CLVS1: variants seen among roughly 807,000 people sequenced by gnomAD.
The protein encoded by CLVS1 is clavesin 1.
Under a neutral mutation model 33.1 loss-of-function variants are expected in CLVS1, and 10 were observed. The ratio of observed to expected loss-of-function variants is 0.30; its 90% CI spans 0.19 to 0.51. The LOEUF (loss-of-function observed/expected upper bound fraction) is 0.51, where lower values mean the gene tolerates loss of function less well. CLVS1 is among the 20% of genes least tolerant of loss of function. The pLI, the probability that CLVS1 is intolerant of heterozygous loss-of-function variation, is 0.97. For synonymous variants in CLVS1, 163 were observed against 166.1 expected (o/e 0.98, Z 0.14); for missense variants, 343 against 433.4 (o/e 0.79, Z 1.85).
At chr8:61,238,718 T>C (rs993592489) in intron 2 of CLVS1, among the ~76,000 whole-genome samples, 1 of 152,260 alleles carries the variant, frequency 6.6e-6, no homozygotes, top group African/African-American at 2.4e-5. Flanking sequence ...AATATTTTAC[T>C]GTGTGCAATT....
upstream of CLVS1, among the ~76,000 whole-genome samples, chr8:61,286,012 C>A (rs1263965739): frequency 7.3e-6 from 1 of 137,590 alleles, no homozygotes; most frequent in African/African-American, 2.6e-5. Flanking sequence ...TTTCTATGAT[C>A]TAATGTGCAG....
intron 5 of CLVS1, among the ~76,000 whole-genome samples, chr8:61,486,325 A>G (rs143002158): frequency 6.6e-6 from 1 of 152,308 alleles, no homozygotes; most frequent in Non-Finnish European, 1.5e-5. Context: ...TGAAGAATAA[A>G]TGAAGGAATT....
the CLVS1 span, among the ~76,000 whole-genome samples, chr8:61,020,943 T>C: frequency 6.6e-6 from 1 of 152,228 alleles, no homozygotes; most frequent in Non-Finnish European, 1.5e-5. Flanking sequence ...CCTACCCATG[T>C]CCAACTATCT....
At chr8:61,329,485 G>C (rs752759935) in intron 2 of CLVS1, among the ~76,000 whole-genome samples, 3 of 151,986 alleles carry the variant, frequency 2.0e-5, no homozygotes, top group Non-Finnish European at 2.9e-5. Flanking sequence ...TTAATCAGTT[G>C]GACATTTCAA....
intron 2 of CLVS1, among the ~76,000 whole-genome samples, chr8:61,174,081 A>T (rs996429318): frequency 6.6e-6 from 1 of 152,198 alleles, no homozygotes; most frequent in Non-Finnish European, 1.5e-5. Flanking sequence ...GAAACAATAC[A>T]ATAGTTTTCA....
At chr8:61,283,594 A>T (rs574370382), upstream of CLVS1, among the ~76,000 whole-genome samples, 1 of 152,186 alleles carries the variant, frequency 6.6e-6, no homozygotes, top group Non-Finnish European at 1.5e-5. Context: ...CATTTCCCCC[A>T]CCATGATAGC....
At chr8:61,343,664 A>G (rs1812104188) in intron 2 of CLVS1, among the ~76,000 whole-genome samples, 1 of 152,216 alleles carries the variant, frequency 6.6e-6, no homozygotes, top group South Asian at 2.1e-4. Context: ...ACGAGAGCTC[A>G]GGACTGGGTC....
At chr8:61,473,661 C>T (rs775984942) in intron 5 of CLVS1, among the ~76,000 whole-genome samples, 42 of 152,040 alleles carry the variant, frequency 2.8e-4, no homozygotes, top group Non-Finnish European at 1.5e-4. Context: ...GAGTGCTGAG[C>T]GTGGAGGTAC....
chr8:61,109,725 CTA>C (rs1281701298), intron 1 of CLVS1, among the ~76,000 whole-genome samples: 2 of 152,060 alleles, frequency 1.3e-5, no homozygotes, highest in African/African-American at 4.8e-5. Flanking sequence ...ATGAATGAAT[CTA>C]TTCATGGATT....
chr8:61,410,591 G>A (rs530343181), intron 3 of CLVS1, among the ~76,000 whole-genome samples: 3 of 151,826 alleles, frequency 2.0e-5, no homozygotes, highest in African/African-American at 4.8e-5. Flanking sequence ...CTGCATACCC[G>A]CCCCACTCTC....
upstream of CLVS1, among the ~76,000 whole-genome samples, chr8:61,056,033 G>A (rs1294731461): frequency 6.6e-6 from 1 of 152,212 alleles, no homozygotes; most frequent in Non-Finnish European, 1.5e-5. Context: ...TGCACACTTG[G>A]GATTGGTGCA....
At chr8:61,441,080 A>G (rs1341952762) in intron 3 of CLVS1, among the ~76,000 whole-genome samples, 6 of 152,230 alleles carry the variant, frequency 3.9e-5, no homozygotes, top group African/African-American at 1.4e-4. Context: ...ACCATAAAAT[A>G]TAGTATTCTT....
intron 2 of CLVS1, among the ~76,000 whole-genome samples, chr8:61,304,076 A>T (rs2129594966): frequency 6.6e-6 from 1 of 152,330 alleles, no homozygotes; most frequent in Non-Finnish European, 1.5e-5. Flanking sequence ...GTGGGGCCCA[A>T]AAGGCCTGGA....
intron 1 of CLVS1, among the ~76,000 whole-genome samples, chr8:61,088,487 C>CAAAAA (rs59394782): frequency 0.22 from 22,403 of 102,884 alleles, 2,291 homozygotes; most frequent in East Asian, 0.35. Flanking sequence ...GAGACTGTCT[C>CAAAAA]AAAAAAAAAA....
chr8:61,167,889 G>A (rs569638569), intron 2 of CLVS1, among the ~76,000 whole-genome samples: 3 of 152,080 alleles, frequency 2.0e-5, no homozygotes, highest in Admixed American at 1.3e-4. Flanking sequence ...ATCCTATATA[G>A]TCTAAAAAGG....
intron 2 of CLVS1, among the ~76,000 whole-genome samples, chr8:61,375,203 C>T (rs1585880589): frequency 6.6e-6 from 1 of 151,510 alleles, no homozygotes; most frequent in East Asian, 1.9e-4. Context: ...ATAGGCATAA[C>T]ACTGAGTTTC....
chr8:61,178,098 G>A (rs555929182), intron 2 of CLVS1, among the ~76,000 whole-genome samples: 2 of 152,126 alleles, frequency 1.3e-5, no homozygotes, highest in Non-Finnish European at 2.9e-5. Flanking sequence ...TAAGAACCTT[G>A]ATAAAAGGTT....
At chr8:61,146,813 T>A (rs1806427891) in intron 2 of CLVS1, among the ~76,000 whole-genome samples, 1 of 152,212 alleles carries the variant, frequency 6.6e-6, no homozygotes, top group South Asian at 2.1e-4. Context: ...TCTGTCTGCA[T>A]CCATACACAT....
At chr8:61,140,624 G>A (rs1806290450) in intron 2 of CLVS1, among the ~76,000 whole-genome samples, 1 of 152,066 alleles carries the variant, frequency 6.6e-6, no homozygotes, top group African/African-American at 2.4e-5. Flanking sequence ...GCGCAGTGGC[G>A]CGATCTCGGC....
Sources: gnomAD v4.1 joint callset for allele counts (sites outside exome capture counted in the v4.1 genomes callset) on GRCh38, gnomAD v4.1.1 for gene constraint, MANE v1.5 for transcripts, NCBI Gene and HGNC (gene_info 2026-07-23, HGNC 2026-07-21) for gene names.